LRRTM4: variants seen among roughly 807,000 people sequenced by gnomAD.
The protein encoded by LRRTM4 is leucine-rich repeat transmembrane neuronal protein 4.
Under a neutral mutation model 47.6 loss-of-function variants are expected in LRRTM4, and 25 were observed. That is an observed-to-expected ratio of 0.53 (90% CI 0.38 to 0.73). LRRTM4 has a LOEUF of 0.73. Ranked by LOEUF, LRRTM4 falls within the 30% of genes least tolerant of loss-of-function variation. The pLI is 0.00. For synonymous variants in LRRTM4, 311 were observed against 269.5 expected (o/e 1.15, Z -1.51); for missense variants, 638 against 713.4 (o/e 0.89, Z 1.20).
At chr2:77,037,882 A>T (rs2104164634) in intron 3 of LRRTM4, among the ~76,000 whole-genome samples, 1 of 151,804 alleles carries the variant, frequency 6.6e-6, no homozygotes, top group East Asian at 1.9e-4. Context: ...GGAAGTACAC[A>T]TTTATCTCTG....
At chr2:76,963,231 A>T (rs1363002545) in intron 3 of LRRTM4, among the ~76,000 whole-genome samples, 1 of 150,938 alleles carries the variant, frequency 6.6e-6, no homozygotes, top group African/African-American at 2.4e-5. Flanking sequence ...AAATTAATAT[A>T]ACAATTTTAT....
chr2:77,350,955 T>G (rs1264217704), intron 3 of LRRTM4, among the ~76,000 whole-genome samples: 1 of 152,092 alleles, frequency 6.6e-6, no homozygotes, highest in African/African-American at 2.4e-5. Flanking sequence ...GGGTACACAT[T>G]AAGGTTTGTT....
chr2:76,941,660 G>A (rs907135437), intron 3 of LRRTM4, among the ~76,000 whole-genome samples: 1 of 152,136 alleles, frequency 6.6e-6, no homozygotes, highest in African/African-American at 2.4e-5. Flanking sequence ...TTATATGGCT[G>A]CATAGTATTC....
At chr2:77,392,654 G>T (rs1253881514) in intron 3 of LRRTM4, among the ~76,000 whole-genome samples, 2 of 151,980 alleles carry the variant, frequency 1.3e-5, no homozygotes, top group Non-Finnish European at 2.9e-5. Context: ...TCACTTACAA[G>T]TGGAATGTAA....
rs1023841673 is a variant in LRRTM4, at chr2:77,183,898, C to T, written c.1551+334420G>A. On this transcript the variant is annotated intron_variant, in intron 3 of 3. Transcript: ENST00000409884. The stretch of plus-strand genomic sequence containing the variant: ...ATTGAACAATGAGAACACATGGACA[C>T]GGGAAGGGGAACATCACACACCGGG... Among the ~76,000 whole-genome samples, 7 of 152,096 alleles carry T rather than the reference C, an allele frequency of 4.6e-5. No individual in the cohort carries two copies. The East Asian group carries it at 5.8e-4, about 13-fold the overall frequency.
In LRRTM4 at chr2:77,045,724, T is replaced by C. The variant is rs188723276; in HGVS notation, c.1552-296808A>G. Among the ~76,000 whole-genome samples the C allele has an allele frequency of 4.9e-3, 749 of 152,078 alleles. 11 individuals carry two copies. The highest frequency in any genetic ancestry group is 0.017 in the African/African-American group (724 of 41,518). ...CCTTCCACCATGATTGTGAGGCTTC[T>C]CCAGCCACATGGAACTGTAAGTCCA... On this transcript the variant is annotated intron_variant, in intron 3 of 3. Transcript: ENST00000409884.
intron 3 of LRRTM4, among the ~76,000 whole-genome samples, chr2:77,439,915 A>G (rs1009139096): frequency 2.4e-4 from 37 of 152,302 alleles, no homozygotes; most frequent in African/African-American, 8.9e-4. Context: ...TGTCACAGCT[A>G]GTACAAAAAG....
At chr2:77,308,593 T>A (rs1186258028) in intron 3 of LRRTM4, among the ~76,000 whole-genome samples, 1 of 152,156 alleles carries the variant, frequency 6.6e-6, no homozygotes, top group African/African-American at 2.4e-5. Flanking sequence ...CTTGAGATAA[T>A]GTCTCTTAAT....
intron 3 of LRRTM4, among the ~76,000 whole-genome samples, chr2:76,837,684 C>T (rs1021392594): frequency 7.2e-5 from 11 of 152,078 alleles, no homozygotes; most frequent in Non-Finnish European, 1.6e-4. Context: ...TTGGAACCAA[C>T]CCAAATGTCC....
chr2:77,299,258 TACACACACAC>T (rs912276213), intron 3 of LRRTM4, among the ~76,000 whole-genome samples: 86 of 67,288 alleles, frequency 1.3e-3, no homozygotes, highest in African/African-American at 4.1e-3. Flanking sequence ...TATATATATA[TACACACACAC>T]ACACACACAC....
At chr2:76,996,873 A>G (rs1291995683) in intron 3 of LRRTM4, among the ~76,000 whole-genome samples, 1 of 152,172 alleles carries the variant, frequency 6.6e-6, no homozygotes, top group African/African-American at 2.4e-5. Flanking sequence ...TATTTCTTAG[A>G]GGCTCACTCC....
chr2:77,265,618 A>T (rs183851717), intron 3 of LRRTM4, among the ~76,000 whole-genome samples: 1 of 152,246 alleles, frequency 6.6e-6, no homozygotes. Flanking sequence ...AGCACAAAAC[A>T]GACTAAGACA....
chr2:77,350,234 G>C (rs1353822624), intron 3 of LRRTM4, among the ~76,000 whole-genome samples: 2 of 147,854 alleles, frequency 1.4e-5, no homozygotes, highest in Admixed American at 6.8e-5. Flanking sequence ...GCTGAGGCAG[G>C]AGAATGGCGT....
chr2:76,985,620 G>A (rs1676767446), intron 3 of LRRTM4, among the ~76,000 whole-genome samples: 1 of 151,956 alleles, frequency 6.6e-6, no homozygotes, highest in South Asian at 2.1e-4. Flanking sequence ...CAAATGTCTT[G>A]CCGCATGATT....
intron 3 of LRRTM4, among the ~76,000 whole-genome samples, chr2:77,174,298 C>G (rs1558618612): frequency 6.6e-6 from 1 of 152,172 alleles, no homozygotes; most frequent in Non-Finnish European, 1.5e-5. Context: ...CTCCTCAGGC[C>G]TGGCAACCTT....
At chr2:77,403,114 G>A (rs1674027155) in intron 3 of LRRTM4, among the ~76,000 whole-genome samples, 2 of 151,156 alleles carry the variant, frequency 1.3e-5, no homozygotes, top group African/African-American at 4.9e-5. Context: ...TTTTTGTGCT[G>A]AAAACCTCCT....
At chr2:77,141,684 C>A (rs1672127511) in intron 3 of LRRTM4, among the ~76,000 whole-genome samples, 1 of 152,120 alleles carries the variant, frequency 6.6e-6, no homozygotes, top group African/African-American at 2.4e-5. Context: ...TAGAGGACTC[C>A]TAAGTTTTTA....
intron 3 of LRRTM4, among the ~76,000 whole-genome samples, chr2:77,086,833 G>C (rs1248955190): frequency 1.3e-5 from 2 of 151,962 alleles, no homozygotes; most frequent in Non-Finnish European, 2.9e-5. Flanking sequence ...GTAAAAGCCT[G>C]TTAACCCCAA....
chr2:77,163,988 G>A (rs922443816), intron 3 of LRRTM4, among the ~76,000 whole-genome samples: 1 of 152,012 alleles, frequency 6.6e-6, no homozygotes, highest in Non-Finnish European at 1.5e-5. Flanking sequence ...ATGGGCTAAA[G>A]GCTCCAATCA....
Sources: gnomAD v4.1 joint callset for allele counts (sites outside exome capture counted in the v4.1 genomes callset) on GRCh38, gnomAD v4.1.1 for gene constraint, MANE v1.5 for transcripts, NCBI Gene and HGNC (gene_info 2026-07-23, HGNC 2026-07-21) for gene names.